HPSE2: variants seen among roughly 807,000 people sequenced by gnomAD.
HPSE2 encodes the protein inactive heparanase-2.
Under a neutral mutation model 60.5 loss-of-function variants are expected in HPSE2, and 38 were observed. The ratio of observed to expected loss-of-function variants is 0.63; its 90% CI spans 0.48 to 0.82. The LOEUF (loss-of-function observed/expected upper bound fraction) is 0.82, where lower values mean the gene tolerates loss of function less well. HPSE2 is among the 40% of genes least tolerant of loss of function. The probability of loss-of-function intolerance (pLI) is 0.00; values close to 1 mark genes in which losing one functional copy is unlikely to be tolerated. For synonymous variants in HPSE2, 295 were observed against 293.2 expected (o/e 1.01, Z -0.06); for missense variants, 713 against 740.4 (o/e 0.96, Z 0.43).
chr10:98,819,421 C>CT (rs34043787), intron 3 of HPSE2, among the ~76,000 whole-genome samples: 3,274 of 136,270 alleles, frequency 0.024, 151 homozygotes, highest in African/African-American at 0.079. Context: ...TACAATCATT[C>CT]TTTTTTTTTT....
intron 3 of HPSE2, among the ~76,000 whole-genome samples, chr10:98,816,154 T>G (rs1054154277): frequency 5.9e-5 from 9 of 151,962 alleles, no homozygotes; most frequent in Admixed American, 1.3e-4. Context: ...GTTGTGCACA[T>G]GTACCCTAAA....
intron 5 of HPSE2, among the ~76,000 whole-genome samples, chr10:98,699,171 T>A (rs1196798105): frequency 1.3e-5 from 2 of 150,050 alleles, no homozygotes; most frequent in East Asian, 2.0e-4. Flanking sequence ...TACCAAAGCC[T>A]GGCAGAGACA....
rs555203202 is a variant in HPSE2, at chr10:99,011,086, C to G, written c.610+133152G>C. 3.3e-5 allele frequency among the ~76,000 whole-genome samples: 5 copies of G among 152,110 alleles called. No homozygotes were observed. The South Asian group carries it at 1.0e-3, about 32-fold the overall frequency. On this transcript the variant is annotated intron_variant, in intron 3 of 11. Coordinates refer to ENST00000370552, the MANE Select transcript of HPSE2 (RefSeq NM_021828.5). The stretch of plus-strand genomic sequence containing the variant: ...TCCATGTGTTCTCATCATTTAGTTC[C>G]CATTTGTAAATGAGAACATGTGGTA...
At chr10:98,924,275 A>G (rs901106612) in intron 3 of HPSE2, among the ~76,000 whole-genome samples, 1 of 152,124 alleles carries the variant, frequency 6.6e-6, no homozygotes, top group African/African-American at 2.4e-5. Flanking sequence ...TAGTGATGCA[A>G]TCACCCCTGT....
At chr10:99,206,002 G>A (rs968534151) in intron 2 of HPSE2, among the ~76,000 whole-genome samples, 4 of 152,186 alleles carry the variant, frequency 2.6e-5, no homozygotes, top group African/African-American at 9.7e-5. Flanking sequence ...AGTGTCACTG[G>A]TGATGCTGGA....
chr10:98,765,456 G>A (rs915775214), intron 3 of HPSE2, among the ~76,000 whole-genome samples: 1 of 152,090 alleles, frequency 6.6e-6, no homozygotes, highest in Non-Finnish European at 1.5e-5. Flanking sequence ...ATATTCAATG[G>A]AATAAAAATG....
At chr10:99,060,772 A>G (rs551614102) in intron 3 of HPSE2, among the ~76,000 whole-genome samples, 2 of 152,140 alleles carry the variant, frequency 1.3e-5, no homozygotes, top group African/African-American at 4.8e-5. Context: ...AGCCATAAAA[A>G]GAATGAGATC....
In HPSE2 at chr10:98,957,534, A is replaced by G. The variant is rs566479440; in HGVS notation, c.610+186704T>C. Reference sequence around the variant, plus strand: ...CAGTCCCCTTGAAAGGGCCATGCCCATTATGATAGGAAGGGTAAGGCTGCC... The same window carrying G: ...CAGTCCCCTTGAAAGGGCCATGCCCGTTATGATAGGAAGGGTAAGGCTGCC... On this transcript the variant is annotated intron_variant, in intron 3 of 11. Coordinates refer to ENST00000370552, the MANE Select transcript of HPSE2 (RefSeq NM_021828.5). 8.6e-4 allele frequency among the ~76,000 whole-genome samples: 131 copies of G among 152,316 alleles called. 1 individual carries two copies. Among genetic ancestry groups the G allele is most frequent in the African/African-American group, 3.0e-3 (124 of 41,592 alleles).
At chr10:99,186,191 A>G (rs1245349792) in intron 2 of HPSE2, among the ~76,000 whole-genome samples, 4 of 151,574 alleles carry the variant, frequency 2.6e-5, no homozygotes, top group African/African-American at 9.7e-5. Context: ...AACCACAGAC[A>G]AAGAGAAAAT....
intron 3 of HPSE2, among the ~76,000 whole-genome samples, chr10:98,749,929 AC>A (rs1285404292): frequency 1.8e-4 from 2 of 10,864 alleles, no homozygotes; most frequent in Middle Eastern, 0.071. Flanking sequence ...TATATTAAAC[AC>A]TATATATATA....
At chr10:99,127,922 C>A (rs1182877334) in intron 3 of HPSE2, among the ~76,000 whole-genome samples, 1 of 151,380 alleles carries the variant, frequency 6.6e-6, no homozygotes, top group African/African-American at 2.4e-5. Flanking sequence ...CAGATAAAGT[C>A]TTTTTCAGAC....
chr10:98,642,771 C>G (rs1347258161), intron 6 of HPSE2, among the ~76,000 whole-genome samples: 1 of 152,164 alleles, frequency 6.6e-6, no homozygotes, highest in Non-Finnish European at 1.5e-5. Flanking sequence ...CAGACCTTCC[C>G]TTACCCCCAT....
At chr10:98,761,896 G>A (rs1327687213) in intron 3 of HPSE2, among the ~76,000 whole-genome samples, 2 of 152,032 alleles carry the variant, frequency 1.3e-5, no homozygotes, top group African/African-American at 4.8e-5. Context: ...GAAAAACAAA[G>A]CATTATTTCT....
intron 10 of HPSE2, among the ~76,000 whole-genome samples, chr10:98,489,813 G>C (rs565811546): frequency 6.8e-4 from 104 of 152,332 alleles, no homozygotes; most frequent in South Asian, 1.7e-3. Context: ...TGAACAAATG[G>C]CAAGAATTTT....
At chr10:99,118,231 G>T (rs1844786747) in intron 3 of HPSE2, among the ~76,000 whole-genome samples, 3 of 152,144 alleles carry the variant, frequency 2.0e-5, no homozygotes, top group South Asian at 4.2e-4. Context: ...AGTATTGAAA[G>T]AACCTACCTC....
In HPSE2 at chr10:99,139,808, T is replaced by C. The variant is rs74998195; in HGVS notation, c.610+4430A>G. Among the ~76,000 whole-genome samples, 516 of 152,330 alleles carry C rather than the reference T, an allele frequency of 3.4e-3. 3 individuals are homozygous for C. The highest frequency in any genetic ancestry group is 0.012 in the African/African-American group (494 of 41,574). ...GGAACCATCTACTTCATTTACTTTC[T>C]GCTTTGTAGGAAAATACATTTGTGT... On this transcript the variant is annotated intron_variant, in intron 3 of 11. Transcript: ENST00000370552.
chr10:99,016,424 T>C (rs1957142977), intron 3 of HPSE2, among the ~76,000 whole-genome samples: 1 of 152,182 alleles, frequency 6.6e-6, no homozygotes, highest in African/African-American at 2.4e-5. Context: ...CATGATGTTT[T>C]GGTTACTGTA....
chr10:98,684,520 C>T (rs762102795), intron 6 of HPSE2, among the ~76,000 whole-genome samples: 24 of 152,098 alleles, frequency 1.6e-4, no homozygotes, highest in Non-Finnish European at 3.2e-4. Context: ...ATAATATTTA[C>T]ATAGTAACAA....
chr10:98,814,818 C>A lies in HPSE2; in HGVS notation c.611-70762G>T, dbSNP rs142997512. Among the ~76,000 whole-genome samples, 767 of 152,286 alleles carry A rather than the reference C, an allele frequency of 5.0e-3. 40 individuals are homozygous for A. The highest frequency in any genetic ancestry group is 0.046 in the Admixed American group (697 of 15,284). ...ATTATTTGTTGTTTCTTAGTGCTATCTTTGTCCCTTACTCTTCATTATCCA... is the reference window on the plus strand; with the variant it reads ...ATTATTTGTTGTTTCTTAGTGCTATATTTGTCCCTTACTCTTCATTATCCA... On this transcript the variant is annotated intron_variant, in intron 3 of 11. Coordinates refer to ENST00000370552, the MANE Select transcript of HPSE2 (RefSeq NM_021828.5).
Sources: gnomAD v4.1 joint callset for allele counts (sites outside exome capture counted in the v4.1 genomes callset) on GRCh38, gnomAD v4.1.1 for gene constraint, MANE v1.5 for transcripts, NCBI Gene and HGNC (gene_info 2026-07-23, HGNC 2026-07-21) for gene names.